Variants in CCDC171 observed in about 807,000 individuals in gnomAD.
CCDC171 encodes coiled-coil domain-containing protein 171.
CCDC171 carries 177 observed loss-of-function variants against 168.2 expected under a neutral mutation model. The ratio of observed to expected loss-of-function variants is 1.05; its 90% confidence interval spans 0.93 to 1.19. CCDC171 has a LOEUF of 1.19. Among genes scored for constraint, CCDC171 ranks in the 50% most tolerant of loss-of-function variants. The pLI, the probability that CCDC171 is intolerant of heterozygous loss-of-function variation, is 0.00. For missense variants in CCDC171, 1,991 were observed against 1,539.0 expected, an observed-to-expected ratio of 1.29 and a Z score of -4.91; for synonymous variants, 687 against 540.8, an observed-to-expected ratio of 1.27 and a Z score of -3.75.
upstream of CCDC171, among the ~76,000 whole-genome samples, chr9:16,040,954 T>C: frequency 6.6e-6 from 1 of 152,200 alleles, no homozygotes; most frequent in African/African-American, 2.4e-5. Flanking sequence ...AAGAAATATT[T>C]CTTTTGAGGA....
chr9:15,559,433 A>G (rs1318612510), intron 1 of CCDC171, among the ~76,000 whole-genome samples: 1 of 152,160 alleles, frequency 6.6e-6, no homozygotes, highest in African/African-American at 2.4e-5. Flanking sequence ...GGGTGCATAT[A>G]TATTTAGGAT....
chr9:15,598,497 C>T (rs1024922522), intron 6 of CCDC171, among the ~76,000 whole-genome samples: 13 of 152,088 alleles, frequency 8.5e-5, no homozygotes, highest in African/African-American at 2.9e-4. Flanking sequence ...AGTTTGATTG[C>T]AGTGTGGTCT....
At chr9:15,856,927 T>C (rs1488538103) in intron 23 of CCDC171, among the ~76,000 whole-genome samples, 1 of 152,042 alleles carries the variant, frequency 6.6e-6, no homozygotes, top group African/African-American at 2.4e-5. Flanking sequence ...TGATACCTCA[T>C]TGTGGTTTTG....
intron 25 of CCDC171, among the ~76,000 whole-genome samples, chr9:15,944,849 T>C (rs1305319494): frequency 6.7e-6 from 1 of 150,026 alleles, no homozygotes; most frequent in Non-Finnish European, 1.5e-5. Context: ...TCTTTCTTTC[T>C]TTCTTTCTTT....
the CCDC171 span, among the ~76,000 whole-genome samples, chr9:16,090,035 A>G: frequency 2.0e-5 from 3 of 152,254 alleles, no homozygotes; most frequent in Non-Finnish European, 4.4e-5. Flanking sequence ...ATCTAGAACC[A>G]GAAATACCGT....
chr9:15,623,420 T>A lies in CCDC171; in HGVS notation c.822+7T>A. On this transcript the variant is annotated splice_region_variant and intron_variant, in intron 7 of 25. Coordinates refer to ENST00000380701, the MANE Select transcript of CCDC171 (RefSeq NM_173550.4). ...CCTTAGAAAAGAATTTGAGGTACAT[T>A]TTCTCATTCCTTTATAATATATATG... The A allele has an allele frequency of 6.3e-7, 1 of 1,593,226 alleles. No individual in the cohort carries two copies. Among genetic ancestry groups the A allele is most frequent in the East Asian group, 2.3e-5 (1 of 43,018 alleles).
intron 21 of CCDC171, among the ~76,000 whole-genome samples, chr9:15,810,379 G>A (rs1001099718): frequency 1.3e-5 from 2 of 152,118 alleles, no homozygotes; most frequent in African/African-American, 4.8e-5. Context: ...CTGCCTGCCA[G>A]TCCCACACTG....
chr9:15,841,721 G>A (rs2060688398), intron 21 of CCDC171, among the ~76,000 whole-genome samples: 1 of 151,516 alleles, frequency 6.6e-6, no homozygotes. Context: ...TATTTTTATT[G>A]TAAATTATCT....
At chr9:16,095,862 A>G in the CCDC171 span, among the ~76,000 whole-genome samples, 533 of 99,706 alleles carry the variant, frequency 5.3e-3, 4 homozygotes, top group African/African-American at 0.024. Context: ...ATATACACAC[A>G]TAGGCACATA....
At chr9:16,006,003 G>A (rs1169173065) in intron 3 of CCDC171, among the ~76,000 whole-genome samples, 2 of 152,056 alleles carry the variant, frequency 1.3e-5, no homozygotes, top group Non-Finnish European at 2.9e-5. Context: ...GGGACTACAG[G>A]CATGCACCAC....
At chr9:15,633,068 C>A (rs2045874318) in intron 7 of CCDC171, among the ~76,000 whole-genome samples, 1 of 152,168 alleles carries the variant, frequency 6.6e-6, no homozygotes, top group African/African-American at 2.4e-5. Flanking sequence ...TCATAGAAAC[C>A]CTATAGGAAA....
At chr9:15,884,915 G>A (rs758909998) in intron 24 of CCDC171, among the ~76,000 whole-genome samples, 1 of 152,174 alleles carries the variant, frequency 6.6e-6, no homozygotes, top group African/African-American at 2.4e-5. Flanking sequence ...TTGACTTTTG[G>A]AGGTTTTTGA....
Position 15,802,899 on chromosome 9 carries a change from A to C in CCDC171, c.3267+18205A>C, listed in dbSNP as rs534572744. On this transcript the variant is annotated intron_variant, in intron 21 of 25. Transcript: ENST00000380701. Reference sequence around the variant, plus strand: ...CAGTATAAAAATGTTCCTTTTTCTCAACAACCTTGCCAGCATCTGTTGTTT... The same window carrying C: ...CAGTATAAAAATGTTCCTTTTTCTCCACAACCTTGCCAGCATCTGTTGTTT... 9.2e-5 allele frequency among the ~76,000 whole-genome samples: 14 copies of C among 152,124 alleles called. No individual in the cohort carries two copies. The South Asian group carries it at 2.7e-3, about 29-fold the overall frequency.
chr9:15,805,538 T>C (rs1166567368), intron 21 of CCDC171, among the ~76,000 whole-genome samples: 1 of 152,186 alleles, frequency 6.6e-6, no homozygotes, highest in Non-Finnish European at 1.5e-5. Context: ...TCAATTTCCA[T>C]GTAATTGTGT....
At chr9:15,658,807 C>A (rs2048118275) in intron 8 of CCDC171, among the ~76,000 whole-genome samples, 1 of 152,106 alleles carries the variant, frequency 6.6e-6, no homozygotes, top group Non-Finnish European at 1.5e-5. Flanking sequence ...TGACTTTAGC[C>A]CCAGAAGACC....
chr9:16,039,391 G>C (rs926186404), upstream of CCDC171, among the ~76,000 whole-genome samples: 1 of 152,170 alleles, frequency 6.6e-6, no homozygotes, highest in Non-Finnish European at 1.5e-5. Context: ...GTTAGTGCAA[G>C]CTATTGTGGC....
chr9:15,719,389 C>T (rs1263368680), intron 11 of CCDC171, among the ~76,000 whole-genome samples: 6 of 20,454 alleles, frequency 2.9e-4, no homozygotes, highest in Admixed American at 2.3e-3. Flanking sequence ...TCAAGGCTGG[C>T]GGGGGGGTGG....
chr9:15,676,016 A>C (rs867101419), intron 9 of CCDC171, among the ~76,000 whole-genome samples: 1 of 152,284 alleles, frequency 6.6e-6, no homozygotes. Flanking sequence ...CACCAATCAA[A>C]TGCAGGTTTG....
chr9:15,842,202 G>A (rs1186399931), intron 21 of CCDC171, among the ~76,000 whole-genome samples: 1 of 151,916 alleles, frequency 6.6e-6, no homozygotes, highest in Non-Finnish European at 1.5e-5. Flanking sequence ...TAGGAATGTA[G>A]ATCCATAGAT....
Sources: gnomAD v4.1 joint callset for allele counts (sites outside exome capture counted in the v4.1 genomes callset) on GRCh38, gnomAD v4.1.1 for gene constraint, MANE v1.5 for transcripts, NCBI Gene and HGNC (gene_info 2026-07-23, HGNC 2026-07-21) for gene names.